FHIT: variants seen among roughly 807,000 people sequenced by gnomAD.
The protein encoded by FHIT is fragile histidine triad diadenosine triphosphatase, also known as bis(5'-adenosyl)-triphosphatase.
Under a neutral mutation model 17.9 loss-of-function variants are expected in FHIT, and 19 were observed. That is an observed-to-expected ratio of 1.06 (90% confidence interval 0.74 to 1.56). The LOEUF (loss-of-function observed/expected upper bound fraction) is 1.56. Ranked by LOEUF, FHIT falls within the 40% of genes most tolerant of loss-of-function variation. The pLI is 0.00. For missense variants in FHIT, 248 were observed against 189.2 expected (o/e 1.31, Z -1.82); for synonymous variants, 81 against 69.7 (o/e 1.16, Z -0.81).
intron 4 of FHIT, among the ~76,000 whole-genome samples, chr3:60,688,875 A>G (rs2040921718): frequency 6.6e-6 from 1 of 152,008 alleles, no homozygotes. Context: ...TGTTTTATAT[A>G]CTATTGGCCC....
At chr3:59,784,778 A>G (rs1190170808) in intron 8 of FHIT, among the ~76,000 whole-genome samples, 1 of 152,162 alleles carries the variant, frequency 6.6e-6, no homozygotes, top group Non-Finnish European at 1.5e-5. Flanking sequence ...TCAGGCTCCA[A>G]CATAGAATCT....
At chr3:60,823,204 T>C (rs953226414) in intron 3 of FHIT, among the ~76,000 whole-genome samples, 1 of 152,068 alleles carries the variant, frequency 6.6e-6, no homozygotes, top group African/African-American at 2.4e-5. Flanking sequence ...AAAATACATA[T>C]GTAAAATACA....
At chr3:59,831,386 C>A (rs866406998) in intron 8 of FHIT, among the ~76,000 whole-genome samples, 26 of 152,022 alleles carry the variant, frequency 1.7e-4, no homozygotes, top group African/African-American at 5.3e-4. Context: ...ATCCTCAGGG[C>A]AACTATTGAG....
At position 60,615,540 on chromosome 3, in the gene FHIT, G is replaced by C. The variant is rs149785240; in HGVS notation, c.-17-78561C>G. On this transcript the variant is annotated intron_variant, in intron 4 of 9. Coordinates refer to ENST00000492590, the MANE Select transcript of FHIT (RefSeq NM_002012.4). ...TCATTTTAGTTACAGCCATTCGTCAGAGCAAAGTGATGGTCCAATTCACCT... is the reference window on the plus strand; with the variant it reads ...TCATTTTAGTTACAGCCATTCGTCACAGCAAAGTGATGGTCCAATTCACCT... Among the ~76,000 whole-genome samples, 284 of 152,298 alleles carry C rather than the reference G, an allele frequency of 1.9e-3. 1 individual carries two copies. Among genetic ancestry groups the C allele is most frequent in the African/African-American group, 6.2e-3 (258 of 41,564 alleles).
At chr3:60,656,493 C>G (rs1298474270) in intron 4 of FHIT, among the ~76,000 whole-genome samples, 1 of 152,076 alleles carries the variant, frequency 6.6e-6, no homozygotes, top group Non-Finnish European at 1.5e-5. Flanking sequence ...TGGGGCACCT[C>G]TACAGACTCT....
chr3:60,437,269 A>G (rs1477338421), intron 5 of FHIT, among the ~76,000 whole-genome samples: 5 of 152,130 alleles, frequency 3.3e-5, no homozygotes, highest in Non-Finnish European at 7.4e-5. Context: ...GTGGACAGTG[A>G]TGTCACTGAG....
At chr3:60,410,050 C>A (rs1178025396) in intron 5 of FHIT, among the ~76,000 whole-genome samples, 1 of 152,032 alleles carries the variant, frequency 6.6e-6, no homozygotes. Flanking sequence ...TCTAAGGAAA[C>A]AGAAGCAAAA....
chr3:60,837,042 A>G (rs1478368265), intron 3 of FHIT, among the ~76,000 whole-genome samples: 1 of 152,174 alleles, frequency 6.6e-6, no homozygotes, highest in Admixed American at 6.6e-5. Flanking sequence ...AGCCATGGCC[A>G]GGTTTTTAAC....
At chr3:60,113,616 A>G (rs1345441828) in intron 5 of FHIT, among the ~76,000 whole-genome samples, 1 of 151,856 alleles carries the variant, frequency 6.6e-6, no homozygotes, top group Non-Finnish European at 1.5e-5. Flanking sequence ...ATTGGAAAAC[A>G]GTATCATGAA....
At chr3:61,228,489 T>C (rs1302836813) in intron 1 of FHIT, among the ~76,000 whole-genome samples, 1 of 152,216 alleles carries the variant, frequency 6.6e-6, no homozygotes, top group Admixed American at 6.5e-5. Flanking sequence ...AATTCTAACT[T>C]CATCTTTGGG....
chr3:60,851,704 C>CATG (rs1703160837), intron 3 of FHIT, among the ~76,000 whole-genome samples: 1 of 152,130 alleles, frequency 6.6e-6, no homozygotes, highest in Non-Finnish European at 1.5e-5. Context: ...TATCATGTCA[C>CATG]ATAGACCCCA....
intron 7 of FHIT, among the ~76,000 whole-genome samples, chr3:59,992,754 CA>C (rs1699339241): frequency 6.6e-6 from 1 of 152,048 alleles, no homozygotes; most frequent in African/African-American, 2.4e-5. Context: ...ATCTGTGCCA[CA>C]GACATTGACA....
chr3:60,180,447 G>C lies in FHIT; in HGVS notation c.104-166295C>G, dbSNP rs1022736224. 7.9e-5 allele frequency among the ~76,000 whole-genome samples: 12 copies of C among 152,086 alleles called. 1 individual carries two copies. The highest frequency in any genetic ancestry group is 7.9e-4 in the Admixed American group (12 of 15,272). On this transcript the variant is annotated intron_variant, in intron 5 of 9. Transcript: ENST00000492590. ...CTCATCCCAATCCCAGTCCCTGAAA[G>C]AAATGAAAAGAAAGCTGAAGGAATT...
intron 4 of FHIT, among the ~76,000 whole-genome samples, chr3:60,614,819 TGTTTTTTTTTTGTTTTTTTTTTG>T (rs2038899298): frequency 8.7e-6 from 1 of 114,410 alleles, no homozygotes; most frequent in East Asian, 2.4e-4. Context: ...GTTTTTTTTT[TGTTTTTTTTTTGTTTTTTTTTTG>T]TTTTTTGAGA....
chr3:61,096,174 A>C (rs774857670), intron 2 of FHIT, among the ~76,000 whole-genome samples: 3 of 152,150 alleles, frequency 2.0e-5, no homozygotes, highest in Non-Finnish European at 4.4e-5. Flanking sequence ...AAACACCCTA[A>C]ATGATGCTGT....
chr3:61,227,972 A>C (rs576003447), intron 1 of FHIT, among the ~76,000 whole-genome samples: 1 of 152,302 alleles, frequency 6.6e-6, no homozygotes, highest in South Asian at 2.1e-4. Context: ...TTTTTAAAAA[A>C]ATGTCTGTAG....
At chr3:60,075,605 T>C (rs1161360259) in intron 5 of FHIT, among the ~76,000 whole-genome samples, 2 of 152,132 alleles carry the variant, frequency 1.3e-5, no homozygotes, top group Non-Finnish European at 2.9e-5. Flanking sequence ...GTAACTTTAA[T>C]AGTCTACTGT....
intron 4 of FHIT, among the ~76,000 whole-genome samples, chr3:60,665,237 A>G (rs1047472964): frequency 6.6e-6 from 1 of 152,048 alleles, no homozygotes; most frequent in Non-Finnish European, 1.5e-5. Context: ...CTTGAGATAA[A>G]AAGTATATTC....
chr3:61,118,791 T>G (rs917239823), intron 2 of FHIT, among the ~76,000 whole-genome samples: 6 of 152,160 alleles, frequency 3.9e-5, no homozygotes, highest in African/African-American at 1.4e-4. Context: ...CATGGTAAGT[T>G]CTCCATAAAG....
Sources: allele counts gnomAD v4.1 joint callset (sites outside exome capture counted in the v4.1 genomes callset), GRCh38; gene constraint gnomAD v4.1.1; transcripts MANE v1.5; gene names NCBI Gene and HGNC (gene_info 2026-07-23, HGNC 2026-07-21).